Variants in LRRC37A2 observed in about 807,000 individuals in gnomAD.
The protein encoded by LRRC37A2 is leucine-rich repeat-containing protein 37A2.
Under a neutral mutation model 68.8 loss-of-function variants are expected in LRRC37A2, and 9 were observed. The ratio of observed to expected loss-of-function variants is 0.13; its 90% CI spans 0.08 to 0.23. LRRC37A2 has a LOEUF of 0.23. LRRC37A2 is among the 10% of genes least tolerant of loss of function. The pLI, the probability that LRRC37A2 is intolerant of heterozygous loss-of-function variation, is 1.00. For missense variants in LRRC37A2, 168 were observed against 950.4 expected (o/e 0.18, Z 10.82); for synonymous variants, 63 against 367.6 (o/e 0.17, Z 9.48).
chr17:47,005,674 G>A, the LRRC37A2 span: 1 of 152,194 alleles, frequency 6.6e-6, no homozygotes, highest in East Asian at 1.9e-4. Flanking sequence ...TGCACGAGCT[G>A]AGAGGTAAGT....
chr17:47,044,750 G>T, the LRRC37A2 span, among the ~76,000 whole-genome samples: 1 of 150,854 alleles, frequency 6.6e-6, no homozygotes, highest in Non-Finnish European at 1.5e-5. Flanking sequence ...TTGGGCTCAA[G>T]CCTGTAATCC....
the LRRC37A2 span, among the ~76,000 whole-genome samples, chr17:46,839,691 C>T: frequency 5.4e-4 from 82 of 152,100 alleles, no homozygotes; most frequent in African/African-American, 1.5e-3. Flanking sequence ...CAGTCCCCCC[C>T]GCCAAGAGGC....
chr17:46,960,502 G>A, the LRRC37A2 span, among the ~76,000 whole-genome samples: 1 of 152,132 alleles, frequency 6.6e-6, no homozygotes, highest in African/African-American at 2.4e-5. Flanking sequence ...TCATTTCTAG[G>A]TATTTACCCA....
At chr17:46,812,569 G>GTC in the LRRC37A2 span, among the ~76,000 whole-genome samples, 1 of 152,144 alleles carries the variant, frequency 6.6e-6, no homozygotes, top group Non-Finnish European at 1.5e-5. Flanking sequence ...GACTCTGGGG[G>GTC]TCGGGGAATG....
the LRRC37A2 span, among the ~76,000 whole-genome samples, chr17:46,920,653 C>G: frequency 6.6e-6 from 1 of 152,166 alleles, no homozygotes; most frequent in Non-Finnish European, 1.5e-5. Flanking sequence ...AAATGCCACC[C>G]CTTCATTAAG....
At chr17:47,009,743 G>A in the LRRC37A2 span, among the ~76,000 whole-genome samples, 14 of 152,358 alleles carry the variant, frequency 9.2e-5, no homozygotes, top group East Asian at 2.7e-3. Flanking sequence ...ATGTGCTGCT[G>A]CCCTGCTGGG....
At chr17:46,789,867 A>G in the LRRC37A2 span, among the ~76,000 whole-genome samples, 1 of 152,104 alleles carries the variant, frequency 6.6e-6, no homozygotes. Flanking sequence ...CTGCGACCAC[A>G]CCCAGGTGCT....
At chr17:47,027,443 T>G in the LRRC37A2 span, 5 of 594,960 alleles carry the variant, frequency 8.4e-6, no homozygotes, top group Non-Finnish European at 1.5e-5. Context: ...GTCCAAACGT[T>G]TAGAGTTGAG....
the LRRC37A2 span, among the ~76,000 whole-genome samples, chr17:46,790,622 G>A: frequency 2.0e-5 from 3 of 152,040 alleles, no homozygotes; most frequent in Non-Finnish European, 2.9e-5. Context: ...GGATCAACCC[G>A]TCCCCTGTTT....
chr17:46,776,319 C>T, the LRRC37A2 span, among the ~76,000 whole-genome samples: 10 of 152,340 alleles, frequency 6.6e-5, no homozygotes, highest in Middle Eastern at 6.8e-3. Flanking sequence ...GGGCACACGG[C>T]GCACACAGCA....
At chr17:46,794,190 A>G in the LRRC37A2 span, among the ~76,000 whole-genome samples, 1 of 152,096 alleles carries the variant, frequency 6.6e-6, no homozygotes, top group Non-Finnish European at 1.5e-5. Context: ...ACAAGACCTC[A>G]GGGGACTGTG....
At chr17:46,749,363 T>A in the LRRC37A2 span, among the ~76,000 whole-genome samples, 1 of 152,374 alleles carries the variant, frequency 6.6e-6, no homozygotes, top group African/African-American at 2.4e-5. Context: ...CTGCTCCTTC[T>A]AAAAAGTGTA....
At chr17:46,721,110 G>C in the LRRC37A2 span, among the ~76,000 whole-genome samples, 5 of 152,262 alleles carry the variant, frequency 3.3e-5, no homozygotes, top group African/African-American at 1.2e-4. Context: ...GCAGAGCCCC[G>C]CTTCTCCTGT....
Position 46,544,798 on chromosome 17 carries a change from G to A in LRRC37A2, c.3054-1457G>A, listed in dbSNP as rs1476256641. Among the ~76,000 whole-genome samples, 7 of 112,868 alleles carry A rather than the reference G, an allele frequency of 6.2e-5. No individual in the cohort carries two copies. In the East Asian group the frequency reaches 9.5e-4, roughly 15 times the overall value. 74.0% of individuals were successfully genotyped at this position (112,868 alleles called of 152,430 possible). A position where few individuals can be genotyped will look rare whatever the true frequency, so the allele number is the denominator to read the frequency against. ...GGTCACCTCTTTTGCCCAAATTTAC[G>A]TATTGGAAAAAATTCAAACAAGCCA... is the stretch of plus-strand genomic sequence containing the variant. On this transcript the variant is annotated intron_variant, in intron 8 of 14. Transcript: ENST00000576629.
the LRRC37A2 span, among the ~76,000 whole-genome samples, chr17:46,920,849 C>T: frequency 6.6e-6 from 1 of 152,192 alleles, no homozygotes; most frequent in Admixed American, 6.5e-5. Context: ...TTCCAAGCCA[C>T]AAAGCCAAAA....
chr17:46,719,897 G>A, the LRRC37A2 span, among the ~76,000 whole-genome samples: 2 of 152,148 alleles, frequency 1.3e-5, no homozygotes, highest in Non-Finnish European at 1.5e-5. This position sits in a 1 kb window ranked among gnomAD's most constrained non-coding sequence, Gnocchi z 4.3. Context: ...TTATAAAACT[G>A]TACCCATTAA....
At chr17:46,730,395 T>C in the LRRC37A2 span, among the ~76,000 whole-genome samples, 2 of 152,170 alleles carry the variant, frequency 1.3e-5, no homozygotes, top group African/African-American at 4.8e-5. Context: ...CTTCTTGTTC[T>C]TTACATTGTT....
chr17:46,684,536 A>C, the LRRC37A2 span, among the ~76,000 whole-genome samples: 1 of 152,074 alleles, frequency 6.6e-6, no homozygotes, highest in African/African-American at 2.4e-5. Flanking sequence ...ACAGCATGGT[A>C]CTGTTACCAA....
chr17:46,902,242 T>A, the LRRC37A2 span, among the ~76,000 whole-genome samples: 21 of 152,080 alleles, frequency 1.4e-4, no homozygotes, highest in African/African-American at 5.1e-4. Flanking sequence ...TGCACATGAG[T>A]TTAGGTGTTA....
Sources: allele counts gnomAD v4.1 joint callset (sites outside exome capture counted in the v4.1 genomes callset), GRCh38; gene constraint gnomAD v4.1.1; non-coding constraint Gnocchi (gnomAD v3.1); transcripts MANE v1.5; gene names NCBI Gene and HGNC (gene_info 2026-07-23, HGNC 2026-07-21).